The following CCDC158 variants were observed in gnomAD, a reference collection of about 807,000 sequenced individuals.
The protein encoded by CCDC158 is coiled-coil domain containing 158.
In CCDC158, 116 loss-of-function variants were observed where a neutral mutation model predicts 138.6. That is an observed-to-expected ratio of 0.84 (90% confidence interval 0.72 to 0.98). The LOEUF is 0.98. CCDC158 is among the 50% of genes least tolerant of loss of function. The pLI, the probability that CCDC158 is intolerant of heterozygous loss-of-function variation, is 0.00. For synonymous variants in CCDC158, 436 were observed against 442.4 expected, an observed-to-expected ratio of 0.99 and a Z score of 0.18; for missense variants, 1,265 against 1,306.1, an observed-to-expected ratio of 0.97 and a Z score of 0.48.
chr4:76,336,944 AC>A (rs1721568118), intron 18 of CCDC158, among the ~76,000 whole-genome samples: 1 of 151,932 alleles, frequency 6.6e-6, no homozygotes, highest in Admixed American at 6.6e-5. Context: ...TGTGTCCTAT[AC>A]CTTGTATTTT....
At chr4:76,376,185 C>T (rs149315298) in intron 9 of CCDC158, among the ~76,000 whole-genome samples, 31 of 152,150 alleles carry the variant, frequency 2.0e-4, no homozygotes, top group Non-Finnish European at 3.5e-4. Context: ...TTTCTAGTAG[C>T]GAGAACTACA....
At chr4:76,394,480 G>GGGAA (rs1727592523) in intron 4 of CCDC158, among the ~76,000 whole-genome samples, 1 of 152,028 alleles carries the variant, frequency 6.6e-6, no homozygotes, top group African/African-American at 2.4e-5. Flanking sequence ...ACCAGAGGGT[G>GGGAA]GGAAGGGTAG....
Position 76,355,371 on chromosome 4 carries a change from G to C in CCDC158, c.2239C>G (p.Gln747Glu), listed in dbSNP as rs759923967. ...TAKRGQIDAL[Q>E]SKIQFLEEAM... ...TCTTCCAAAAACTGTATCTTGCTCT[G>C]AAGGGCATCTATCTGACCTCTTTTG... Residue 747 changes from glutamine to glutamate, a missense_variant, in exon 15 of 25, where the codon CAG (glutamine) becomes GAG (glutamate). Transcript: ENST00000682701. 1 of 1,613,880 alleles carries C rather than the reference G, an allele frequency of 6.2e-7. No homozygotes were observed. Among genetic ancestry groups the C allele is most frequent in the Admixed American group, 1.7e-5 (1 of 60,010 alleles).
At chr4:76,380,991 G>A (rs1230853089) in intron 8 of CCDC158, among the ~76,000 whole-genome samples, 1 of 152,234 alleles carries the variant, frequency 6.6e-6, no homozygotes, top group African/African-American at 2.4e-5. Context: ...GCCTGGAGGT[G>A]TACAGAAAGC....
At position 76,367,666 on chromosome 4, in the gene CCDC158, G is replaced by T; in HGVS notation, c.1458C>A (p.Ala486=). 6.2e-7 allele frequency: 1 copy of T among 1,614,086 alleles called. No homozygotes were observed. The highest frequency in any genetic ancestry group is 1.1e-5 in the South Asian group (1 of 91,080). Residue 486 remains alanine (A), a synonymous_variant, in exon 12 of 25, where the codon GCC becomes GCA. Transcript: ENST00000682701. ...CTGAGCTCTCCAGAGTCATTTTCTT[G>T]GCTGTCAACTCTTCTACTACTTTGC... The part of the protein sequence containing the change: ...MLRKVVEELT[A]KKMTLESSER...
intron 9 of CCDC158, among the ~76,000 whole-genome samples, chr4:76,378,043 CA>C (rs1725877137): frequency 6.6e-6 from 1 of 152,210 alleles, no homozygotes; most frequent in African/African-American, 2.4e-5. Flanking sequence ...AAAGGACCCA[CA>C]TCTATAACTG....
At chr4:76,375,965 C>T (rs1309701082) in intron 9 of CCDC158, among the ~76,000 whole-genome samples, 1 of 152,082 alleles carries the variant, frequency 6.6e-6, no homozygotes, top group Non-Finnish European at 1.5e-5. Flanking sequence ...AGAAATCTGA[C>T]CTTGGGAGAA....
intron 18 of CCDC158, among the ~76,000 whole-genome samples, chr4:76,337,451 G>C (rs2110120976): frequency 6.6e-6 from 1 of 152,298 alleles, no homozygotes; most frequent in Admixed American, 6.5e-5. Flanking sequence ...AAATAGCACT[G>C]CTGGGTGTGG....
At chr4:76,333,871 A>G in intron 19 of CCDC158, 139 bp downstream of exon 19, 2 of 507,804 alleles carry the variant, frequency 3.9e-6, no homozygotes, top group Non-Finnish European at 3.3e-6. Flanking sequence ...CTCCATTTTC[A>G]TATTATTTTC....
At chr4:76,366,449 GA>G (rs1724671857) in intron 12 of CCDC158, among the ~76,000 whole-genome samples, 1 of 151,786 alleles carries the variant, frequency 6.6e-6, no homozygotes, top group Non-Finnish European at 1.5e-5. Flanking sequence ...TTAATCCTAT[GA>G]AATCAATTTT....
At chr4:76,323,461 T>C in intron 23 of CCDC158, 52 bp from the exon 24 acceptor site, 1 of 1,338,600 alleles carries the variant, frequency 7.5e-7, no homozygotes, top group Non-Finnish European at 1.0e-6. Flanking sequence ...AACATTTCCT[T>C]TTAGAAATCT....
At chr4:76,318,276 A>G (rs1358235151) in intron 24 of CCDC158, among the ~76,000 whole-genome samples, 3 of 152,188 alleles carry the variant, frequency 2.0e-5, no homozygotes, top group Non-Finnish European at 4.4e-5. Context: ...GAGATTAACC[A>G]AGAAAAGAAG....
intron 18 of CCDC158, among the ~76,000 whole-genome samples, chr4:76,347,341 A>C (rs1722656194): frequency 6.6e-6 from 1 of 152,198 alleles, no homozygotes; most frequent in East Asian, 1.9e-4. Context: ...CTATCCAGGC[A>C]CATGGCACAT....
At chr4:76,366,626 A>C (rs887046843) in intron 12 of CCDC158, among the ~76,000 whole-genome samples, 1 of 25,662 alleles carries the variant, frequency 3.9e-5, no homozygotes, top group African/African-American at 8.7e-5. Flanking sequence ...CTGCTACATA[A>C]ACACACACAC....
intron 11 of CCDC158, among the ~76,000 whole-genome samples, 172 bp downstream of exon 11, chr4:76,369,254 A>G (rs1231223805): frequency 6.6e-6 from 1 of 152,190 alleles, no homozygotes; most frequent in African/African-American, 2.4e-5. Flanking sequence ...AATGAAATAA[A>G]ATGAAAAATA....
At chr4:76,369,653 C>T (rs1468248430) in intron 10 of CCDC158, 30 bp from the exon 11 acceptor site, 16 of 1,571,082 alleles carry the variant, frequency 1.0e-5, no homozygotes, top group African/African-American at 1.4e-5. Flanking sequence ...CTTTTTTCCT[C>T]CCTGCTATTA....
intron 1 of CCDC158, among the ~76,000 whole-genome samples, chr4:76,418,013 A>G (rs1222310323): frequency 6.6e-6 from 1 of 152,166 alleles, no homozygotes; most frequent in African/African-American, 2.4e-5. Flanking sequence ...TCCTGAGAAG[A>G]TGTCAGTGAG....
rs79307927 is a variant in CCDC158 at position 76,357,656 on chromosome 4, C to G, written c.2021-130G>C. The G allele has an allele frequency of 9.9e-3, 5,963 of 601,940 alleles. 284 individuals carry two copies. In the African/African-American group the frequency reaches 0.1, roughly 10 times the overall value. 37.3% of individuals were successfully genotyped at this position (601,940 alleles called of 1,614,324 possible). The stretch of plus-strand genomic sequence containing the variant: ...AGAGAAGTCATTTAATTACATCTTC[C>G]TTTGTTACAGAAATGAGATGTACAT... On this transcript the variant is annotated intron_variant, in intron 13 of 24. Transcript: ENST00000682701.
chr4:76,374,653 G>A (rs1354877244), intron 9 of CCDC158, among the ~76,000 whole-genome samples: 1 of 151,996 alleles, frequency 6.6e-6, no homozygotes, highest in Non-Finnish European at 1.5e-5. Flanking sequence ...AATTTAACAA[G>A]AACATTTCCA....
Sources: allele counts gnomAD v4.1 joint callset (sites outside exome capture counted in the v4.1 genomes callset), GRCh38; gene constraint gnomAD v4.1.1; transcripts MANE v1.5; gene names NCBI Gene and HGNC (gene_info 2026-07-23, HGNC 2026-07-21).